Variants in TUBGCP2 observed in about 807,000 individuals in gnomAD.
The protein encoded by TUBGCP2 is gamma-tubulin complex component 2.
TUBGCP2 carries 55 observed loss-of-function variants against 92.2 expected under a neutral mutation model. The ratio of observed to expected loss-of-function variants is 0.60; its 90% CI spans 0.48 to 0.75. The LOEUF is 0.75. Ranked by LOEUF, TUBGCP2 falls within the 30% of genes least tolerant of loss-of-function variation. The pLI is 0.00. For synonymous variants in TUBGCP2, 533 were observed against 505.2 expected (o/e 1.06, Z -0.74); for missense variants, 1,093 against 1,188.9 (o/e 0.92, Z 1.19).
At chr10:133,299,295 T>G in intron 4 of TUBGCP2, 132 bp downstream of exon 4, 1 of 734,910 alleles carries the variant, frequency 1.4e-6, no homozygotes, top group Non-Finnish European at 2.1e-6. Context: ...AGGGATTCAT[T>G]TTCAATAAAT....
At chr10:133,293,950 C>T (rs879565444) in intron 5 of TUBGCP2, among the ~76,000 whole-genome samples, 181 bp from the exon 6 acceptor site, 1 of 152,248 alleles carries the variant, frequency 6.6e-6, no homozygotes, top group Non-Finnish European at 1.5e-5. Context: ...TTCCAACCGC[C>T]GCAGGACGGG....
upstream of TUBGCP2, chr10:133,310,254 G>C: frequency 6.2e-7 from 1 of 1,614,024 alleles, no homozygotes; most frequent in East Asian, 2.2e-5. Flanking sequence ...GTACCCCGCG[G>C]ACTTCCGGTT....
chr10:133,310,311 A>C (rs1367969058), upstream of TUBGCP2: 3 of 1,612,876 alleles, frequency 1.9e-6, no homozygotes, highest in East Asian at 6.7e-5. Context: ...CAGGCTCAGC[A>C]CGTGTCTGCT....
chr10:133,288,910 C>T lies in TUBGCP2; in HGVS notation c.1471G>A (p.Ala491Thr), dbSNP rs773972291. ...AGCACCTTGCTGGCGTAGTTAAACG[C>T]CTTCTCGATCTGCTCCACATACGCC... ...ERAYVEQIEK[A>T]FNYASKVLLD... is the part of the protein sequence containing the mutation. The change falls in exon 10 of 18, where the codon GCG becomes ACG. Residue 491 changes from alanine to threonine, a missense_variant. Ala to Thr is a moderately conservative substitution (Grantham distance 58). Around this residue, in one of 3 missense-constraint regions of TUBGCP2, gnomAD observed 598 missense variants for 675.5 expected, o/e 0.89. Transcript: ENST00000252936. The T allele has an allele frequency of 6.2e-7, 1 of 1,614,234 alleles. No individual in the cohort carries two copies.
intron 1 of TUBGCP2, among the ~76,000 whole-genome samples, chr10:133,303,535 C>T (rs976884615): frequency 2.0e-5 from 3 of 152,198 alleles, no homozygotes; most frequent in African/African-American, 7.2e-5. Flanking sequence ...AGACGTGAGG[C>T]CTGTGGGGTC....
At chr10:133,287,668 G>A (rs1243617526) in intron 11 of TUBGCP2, among the ~76,000 whole-genome samples, 6 of 151,684 alleles carry the variant, frequency 4.0e-5, no homozygotes, top group African/African-American at 1.5e-4. Flanking sequence ...TTGAACCCAG[G>A]AGGTGGAGGC....
upstream of TUBGCP2, chr10:133,310,463 G>A (rs1000341421): frequency 7.5e-6 from 6 of 801,298 alleles, no homozygotes. Context: ...TGTGCCAGCG[G>A]CCACCCTGCC....
chr10:133,312,050 T>C (rs1451307182), upstream of TUBGCP2: 4 of 1,488,308 alleles, frequency 2.7e-6, no homozygotes, highest in African/African-American at 1.4e-5. Flanking sequence ...TTTTGAGCCA[T>C]TGAAGCGCAG....
intron 1 of TUBGCP2, 193 bp downstream of exon 1, chr10:133,308,630 G>A (rs532494020): frequency 1.0e-5 from 2 of 190,554 alleles, no homozygotes; most frequent in Non-Finnish European, 2.1e-5. Flanking sequence ...GTCGGGCCGC[G>A]GGGCAAGACG....
At chr10:133,282,168 T>C in intron 16 of TUBGCP2, 55 bp downstream of exon 16, 1 of 1,608,494 alleles carries the variant, frequency 6.2e-7, no homozygotes. Flanking sequence ...ATGCCCAGGC[T>C]GCCGCCCAGC....
chr10:133,294,197 T>C (rs182266476), intron 5 of TUBGCP2, among the ~76,000 whole-genome samples: 1 of 152,370 alleles, frequency 6.6e-6, no homozygotes, highest in East Asian at 1.9e-4. Context: ...TGATAATTTC[T>C]ATCCAGAGAG....
At position 133,288,912 on chromosome 10, in the gene TUBGCP2, T is replaced by G. The variant is rs1847203329; in HGVS notation, c.1469A>C (p.Lys490Thr). 6.2e-7 allele frequency: 1 copy of G among 1,614,120 alleles called. No homozygotes were observed. Among genetic ancestry groups the G allele is most frequent in the African/African-American group, 1.3e-5 (1 of 74,948 alleles). The change falls in exon 10 of 18, where the codon AAG becomes ACG. Residue 490 changes from lysine to threonine, a missense_variant. Lys to Thr is a moderately conservative substitution (Grantham distance 78). This residue lies in a region of TUBGCP2 where 598 missense variants were observed against 675.5 expected (regional missense o/e 0.89). Transcript: ENST00000252936. The part of the protein sequence containing the change: ...KERAYVEQIE[K>T]AFNYASKVLL... ...CACCTTGCTGGCGTAGTTAAACGCC[T>G]TCTCGATCTGCTCCACATACGCCCG...
In TUBGCP2 at chr10:133,291,316, G is replaced by GTCGTGGATGATGCCCCTGTAGATCC. The variant is rs1564938933; in HGVS notation, c.1214+1182_1214+1183insGGATCTACAGGGGCATCATCCACGA. On this transcript the variant is annotated intron_variant, in intron 8 of 17. Coordinates refer to ENST00000252936, the MANE Select transcript of TUBGCP2 (RefSeq NM_006659.4). The stretch of plus-strand genomic sequence containing the variant: ...GTCCCGGGGAGCCCTACCTGTACGG[G>GTCGTGGATGATGCCCCTGTAGATCC]AGAGGGCAGCATGCACCGTCCGTGT... 2.1e-3 allele frequency among the ~76,000 whole-genome samples: 147 copies of GTCGTGGATGATGCCCCTGTAGATCC among 69,992 alleles called. 16 individuals are homozygous for GTCGTGGATGATGCCCCTGTAGATCC. The highest frequency in any genetic ancestry group is 0.013 in the East Asian group (16 of 1,198). 45.9% of individuals were successfully genotyped at this position (69,992 alleles called of 152,430 possible).
chr10:133,299,712 C>G (rs1847590611), intron 3 of TUBGCP2, 109 bp from the exon 4 acceptor site: 1 of 1,006,148 alleles, frequency 9.9e-7, no homozygotes, highest in African/African-American at 1.6e-5. Context: ...GACAGGCACC[C>G]ATTAATAGCA....
At chr10:133,311,776 A>G, upstream of TUBGCP2, 1 of 1,613,732 alleles carries the variant, frequency 6.2e-7, no homozygotes, top group Non-Finnish European at 8.5e-7. Context: ...AGGCCATGGA[A>G]ATCTGCTCTG....
chr10:133,300,789 G>C (rs1189295796), intron 2 of TUBGCP2, among the ~76,000 whole-genome samples: 2 of 152,164 alleles, frequency 1.3e-5, no homozygotes, highest in African/African-American at 2.4e-5. Flanking sequence ...TGCTTCTTCA[G>C]GTTTGTACTG....
intron 8 of TUBGCP2, among the ~76,000 whole-genome samples, chr10:133,292,056 ATGTCCCTCCGTGTCCCCCGTGTCCCTCCG>A (rs1847344922): frequency 4.2e-4 from 2 of 4,726 alleles, no homozygotes; most frequent in South Asian, 7.5e-3. Flanking sequence ...CGTGTCCCCC[ATGTCCCTCCGTGTCCCCCGTGTCCCTCCG>A]TGTCCCTCCG....
chr10:133,312,248 C>T, upstream of TUBGCP2: 1 of 1,342,916 alleles, frequency 7.4e-7, no homozygotes, highest in South Asian at 1.6e-5. Context: ...CTAGCATGAC[C>T]TGTGCCGTCT....
In TUBGCP2 at chr10:133,282,313, G is replaced by A. The variant is rs367838838; in HGVS notation, c.2319C>T (p.Gly773=). The change falls in exon 16 of 18, where the codon GGC becomes GGT. Residue 773 remains glycine (G), a synonymous_variant. Transcript: ENST00000252936. ...QKFTQSMKLD[G]ELGGQTLEHS... is the part of the protein sequence containing the mutation. ...GCTCCAGCGTCTGCCCGCCCAGCTC[G>A]CCATCTAATTTCATGCTCTGTGTAA... 92 of 1,605,252 alleles carry A rather than the reference G, an allele frequency of 5.7e-5. No homozygotes were observed. Among genetic ancestry groups the A allele is most frequent in the South Asian group, 1.2e-4 (11 of 90,562 alleles).
Sources: gnomAD v4.1 joint callset for allele counts (sites outside exome capture counted in the v4.1 genomes callset) on GRCh38, gnomAD v4.1.1 for gene constraint, gnomAD v4.1.1 regional missense constraint, MANE v1.5 for transcripts, NCBI Gene and HGNC (gene_info 2026-07-23, HGNC 2026-07-21) for gene names.